The following HACD3 variants were observed in gnomAD, a reference collection of about 807,000 sequenced individuals.
HACD3 encodes 3-hydroxyacyl-CoA dehydratase 3.
Under a neutral mutation model 55.2 loss-of-function variants are expected in HACD3, and 30 were observed. That is an observed-to-expected ratio of 0.54 (90% CI 0.41 to 0.74). The LOEUF (loss-of-function observed/expected upper bound fraction) is 0.74, where lower values mean the gene tolerates loss of function less well. Ranked by LOEUF, HACD3 falls within the 30% of genes least tolerant of loss-of-function variation. The pLI, the probability that HACD3 is intolerant of heterozygous loss-of-function variation, is 0.00. For synonymous variants in HACD3, 141 were observed against 151.7 expected (o/e 0.93, Z 0.52); for missense variants, 363 against 440.1 (o/e 0.82, Z 1.57).
chr15:65,549,152 C>T (rs148102383), intron 1 of HACD3, among the ~76,000 whole-genome samples: 103 of 152,236 alleles, frequency 6.8e-4, no homozygotes, highest in African/African-American at 2.2e-3. Flanking sequence ...TTAAAAACAT[C>T]GAAAAGTTAA....
chr15:65,548,150 G>T (rs1334728826), intron 1 of HACD3, among the ~76,000 whole-genome samples: 3 of 152,166 alleles, frequency 2.0e-5, no homozygotes, highest in Non-Finnish European at 4.4e-5. Context: ...AGTTGCCAGG[G>T]TCTGTGTGTG....
intron 1 of HACD3, among the ~76,000 whole-genome samples, chr15:65,547,780 CTT>C (rs2072091931): frequency 1.3e-5 from 2 of 152,188 alleles, no homozygotes; most frequent in African/African-American, 2.4e-5. Context: ...ATTGTGAACT[CTT>C]TGTAGTTCTG....
At position 65,570,206 on chromosome 15, in the gene HACD3, G is replaced by C; in HGVS notation, c.773+3G>C. 6.3e-7 allele frequency: 1 copy of C among 1,582,134 alleles called. No individual in the cohort carries two copies. The highest frequency in any genetic ancestry group is 8.7e-7 in the Non-Finnish European group (1 of 1,151,922). On this transcript the variant is annotated splice_donor_region_variant and intron_variant, in intron 8 of 10. Transcript: ENST00000261875. Reference sequence around the variant, plus strand: ...TGGAGTGCAATTGAAATTTTCAGGTGGGTAGAAATGCCAGGATGGTGTTTG... The same window carrying C: ...TGGAGTGCAATTGAAATTTTCAGGTCGGTAGAAATGCCAGGATGGTGTTTG...
chr15:65,530,915 G>A, intron 1 of HACD3, 197 bp downstream of exon 1: 1 of 554,112 alleles, frequency 1.8e-6, no homozygotes, highest in Non-Finnish European at 3.1e-6. Flanking sequence ...ACAACCCCCC[G>A]AGGGCTGCAG....
intron 1 of HACD3, chr15:65,535,890 A>G: frequency 1.9e-6 from 1 of 530,644 alleles, no homozygotes; most frequent in South Asian, 2.5e-5. Context: ...GGGTCTCATT[A>G]TGTTGGCCAG....
chr15:65,539,785 A>T (rs1207288913), intron 1 of HACD3, among the ~76,000 whole-genome samples: 1 of 151,908 alleles, frequency 6.6e-6, no homozygotes, highest in Non-Finnish European at 1.5e-5. Flanking sequence ...ACAATGAATG[A>T]AACAGAACCA....
chr15:65,548,846 A>G (rs886908285), intron 1 of HACD3, among the ~76,000 whole-genome samples: 1 of 152,138 alleles, frequency 6.6e-6, no homozygotes, highest in African/African-American at 2.4e-5. Context: ...GATTATAGGC[A>G]TGAGCTACCT....
intron 9 of HACD3, 84 bp from the exon 10 acceptor site, chr15:65,572,151 C>CT (rs1292750985): frequency 1.3e-6 from 2 of 1,550,356 alleles, no homozygotes; most frequent in East Asian, 4.5e-5. Context: ...AGAACTGAAA[C>CT]TTTAGAGTAC....
At chr15:65,543,531 C>G (rs2072043168) in intron 1 of HACD3, among the ~76,000 whole-genome samples, 1 of 152,034 alleles carries the variant, frequency 6.6e-6, no homozygotes, top group Middle Eastern at 3.2e-3. Context: ...TCTTAAATAA[C>G]AAGGTAGGGA....
chr15:65,548,555 T>G (rs905256610), intron 1 of HACD3, among the ~76,000 whole-genome samples: 1 of 151,636 alleles, frequency 6.6e-6, no homozygotes, highest in Non-Finnish European at 1.5e-5. Flanking sequence ...ATTTGAAAAT[T>G]TTCGTATTCC....
At position 65,572,169 on chromosome 15, in the gene HACD3, G is replaced by A. The variant is rs956064452; in HGVS notation, c.881-66G>A. On this transcript the variant is annotated intron_variant, in intron 9 of 10. Coordinates refer to ENST00000261875, the MANE Select transcript of HACD3 (RefSeq NM_016395.4). ...ACTGAAACTTTAGAGTACTAGGACT[G>A]GAAGTTCCTGTCATTAAATGTGACT... The A allele has an allele frequency of 4.4e-6, 7 of 1,589,266 alleles. No homozygotes were observed. The African/African-American group carries it at 8.2e-5, about 19-fold the overall frequency.
At chr15:65,566,949 A>T (rs1176621111) in intron 7 of HACD3, 2 of 152,214 alleles carry the variant, frequency 1.3e-5, no homozygotes, top group Admixed American at 1.3e-4. Flanking sequence ...TTAGAAATGT[A>T]TGTGGTCTCC....
At chr15:65,566,520 A>G (rs1464226095) in intron 7 of HACD3, 1 of 162,214 alleles carries the variant, frequency 6.2e-6, no homozygotes, top group Non-Finnish European at 1.3e-5. Context: ...GAAACCCCTG[A>G]TAAGCCCGCC....
intron 7 of HACD3, 174 bp downstream of exon 7, chr15:65,564,516 C>T (rs1013127699): frequency 1.2e-5 from 10 of 820,948 alleles, no homozygotes; most frequent in East Asian, 6.1e-5. Context: ...GAAGGTCTCA[C>T]GATCATGGTG....
intron 8 of HACD3, among the ~76,000 whole-genome samples, chr15:65,570,906 G>A (rs963171518): frequency 1.3e-5 from 2 of 152,082 alleles, no homozygotes; most frequent in African/African-American, 4.8e-5. Context: ...GTGTCCCATG[G>A]CACCCAGTGT....
intron 5 of HACD3, among the ~76,000 whole-genome samples, chr15:65,560,998 AGT>A (rs953559923): frequency 6.6e-6 from 1 of 152,200 alleles, no homozygotes; most frequent in African/African-American, 2.4e-5. Context: ...GTATCCCAGT[AGT>A]TCTTCTCACA....
At chr15:65,559,914 G>C (rs1473523959) in intron 5 of HACD3, among the ~76,000 whole-genome samples, 1 of 152,094 alleles carries the variant, frequency 6.6e-6, no homozygotes, top group Non-Finnish European at 1.5e-5. Flanking sequence ...AATTCATAAA[G>C]TTTTCTGAAC....
chr15:65,549,091 G>T (rs1247793183), intron 1 of HACD3, among the ~76,000 whole-genome samples: 1 of 152,150 alleles, frequency 6.6e-6, no homozygotes, highest in Non-Finnish European at 1.5e-5. Context: ...GCTAGGTTGT[G>T]TAGATTGAGC....
At chr15:65,544,797 A>G (rs1034437739) in intron 1 of HACD3, among the ~76,000 whole-genome samples, 3 of 152,144 alleles carry the variant, frequency 2.0e-5, no homozygotes, top group African/African-American at 7.2e-5. Flanking sequence ...CGAGGCCAGC[A>G]GATCACCAGA....
Sources: allele counts gnomAD v4.1 joint callset (sites outside exome capture counted in the v4.1 genomes callset), GRCh38; gene constraint gnomAD v4.1.1; transcripts MANE v1.5; gene names NCBI Gene and HGNC (gene_info 2026-07-23, HGNC 2026-07-21).